The following OS9 variants were observed in gnomAD, a reference collection of about 807,000 sequenced individuals.
OS9 encodes OS9 endoplasmic reticulum lectin.
A neutral mutation model predicts 84.7 loss-of-function variants in OS9; 58 were observed. That is an observed-to-expected ratio of 0.68 (90% CI 0.55 to 0.85). The LOEUF is 0.85. Ranked by LOEUF, OS9 falls within the 40% of genes least tolerant of loss-of-function variation. The probability of loss-of-function intolerance (pLI) is 0.00; values close to 1 mark genes in which losing one functional copy is unlikely to be tolerated. For missense variants in OS9, 760 were observed against 850.9 expected, an observed-to-expected ratio of 0.89 and a Z score of 1.33; for synonymous variants, 278 against 320.8, an observed-to-expected ratio of 0.87 and a Z score of 1.43.
At chr12:57,697,924 T>TACACACACACACACACAC (rs61407014) in intron 5 of OS9, among the ~76,000 whole-genome samples, 3 of 91,548 alleles carry the variant, frequency 3.3e-5, no homozygotes, top group South Asian at 3.0e-4. Context: ...CACACACACA[T>TACACACACACACACACAC]ACACACACAC....
At chr12:57,712,655 C>T (rs1954365244) in intron 5 of OS9, among the ~76,000 whole-genome samples, 1 of 152,046 alleles carries the variant, frequency 6.6e-6, no homozygotes, top group South Asian at 2.1e-4. Context: ...TGTTGAAAAT[C>T]AGACATTTTA....
At chr12:57,696,844 G>A (rs1953863210) in intron 5 of OS9, among the ~76,000 whole-genome samples, 1 of 150,568 alleles carries the variant, frequency 6.6e-6, no homozygotes, top group African/African-American at 2.4e-5. Context: ...GGCCGGGCAC[G>A]GTGGCTCACG....
At chr12:57,710,978 G>A (rs1954308601) in intron 5 of OS9, among the ~76,000 whole-genome samples, 1 of 139,352 alleles carries the variant, frequency 7.2e-6, no homozygotes, top group Non-Finnish European at 1.5e-5. Flanking sequence ...GGCAGAGGTT[G>A]CAGTGAGCCG....
intron 14 of OS9, 132 bp from the exon 15 acceptor site, chr12:57,720,652 G>T: frequency 7.7e-7 from 1 of 1,297,444 alleles, no homozygotes; most frequent in South Asian, 1.3e-5. Context: ...GTGGCTCAGA[G>T]TGCTGCCATG....
intron 12 of OS9, 147 bp from the exon 13 acceptor site, chr12:57,719,952 A>G: frequency 1.4e-6 from 1 of 725,278 alleles, no homozygotes; most frequent in Non-Finnish European, 2.3e-6. Flanking sequence ...GGCGGGGCAC[A>G]CATTTTTTTG....
intron 5 of OS9, among the ~76,000 whole-genome samples, chr12:57,712,854 G>A (rs1954372178): frequency 6.6e-6 from 1 of 151,712 alleles, no homozygotes; most frequent in Non-Finnish European, 1.5e-5. Context: ...GATGACAGTG[G>A]TTTCAGCAGG....
chr12:57,716,701 C>T lies in OS9; in HGVS notation c.1002C>T (p.Asp334=). Residue 334 remains aspartate, a synonymous_variant, in exon 9 of 15, where the codon GAC becomes GAT. Transcript: ENST00000315970. ...GGEEVPAEEQ[D]PSPEAADSAS... is the part of the protein sequence containing the mutation. ...CCTTTTCTCCTCGTCAGGAGCAGGA[C>T]CCAAGCCCTGAGGCAGCAGATTCAG... The T allele has an allele frequency of 6.2e-7, 1 of 1,613,996 alleles. No individual in the cohort carries two copies. The highest frequency in any genetic ancestry group is 1.3e-5 in the African/African-American group (1 of 75,014).
chr12:57,695,126 G>GT (rs1302144091), intron 2 of OS9, 200 bp downstream of exon 2: 1 of 590,774 alleles, frequency 1.7e-6, no homozygotes, highest in East Asian at 2.9e-5. Flanking sequence ...GTAGGAGCAG[G>GT]TTAGGATAGA....
At chr12:57,718,946 T>A (rs1414178079) in intron 11 of OS9, 47 bp from the exon 12 acceptor site, 2 of 1,450,508 alleles carry the variant, frequency 1.4e-6, no homozygotes, top group Non-Finnish European at 1.9e-6. Context: ...GCTGGCTGCC[T>A]CCACACCCCA....
chr12:57,696,838 G>C (rs1026948546), intron 5 of OS9, among the ~76,000 whole-genome samples: 2 of 151,402 alleles, frequency 1.3e-5, no homozygotes, highest in East Asian at 3.9e-4. Context: ...TTTCCAGGCC[G>C]GGCACGGTGG....
intron 5 of OS9, among the ~76,000 whole-genome samples, chr12:57,711,002 A>G (rs1352392607): frequency 3.6e-5 from 5 of 137,710 alleles, no homozygotes; most frequent in Non-Finnish European, 7.6e-5. Context: ...TCACACCACT[A>G]TGCTCCAGCC....
chr12:57,716,759 C>T lies in OS9; in HGVS notation c.1045+15C>T, dbSNP rs774210897. On this transcript the variant is annotated intron_variant, in intron 9 of 14. Transcript: ENST00000315970. ...TGCTCCCAATGGTGAGTGAACCTTC[C>T]ATGTCTCCTTTACTGAATATATTTT... 2 of 1,609,594 alleles carry T rather than the reference C, an allele frequency of 1.2e-6. No individual in the cohort carries two copies. The highest frequency in any genetic ancestry group is 2.7e-5 in the African/African-American group (2 of 74,820).
rs571077577 is a variant in OS9, at chr12:57,711,580, C to T, written c.580-4180C>T. ...CAGGATGGCCTTGATCTCTTGACCTCGTGATCTGCCCTCCTTGGCCTCCCA... is the reference window on the plus strand; with the variant it reads ...CAGGATGGCCTTGATCTCTTGACCTTGTGATCTGCCCTCCTTGGCCTCCCA... On this transcript the variant is annotated intron_variant, in intron 5 of 14. Coordinates refer to ENST00000315970, the MANE Select transcript of OS9 (RefSeq NM_006812.4). Among the ~76,000 whole-genome samples, 55 of 152,156 alleles carry T rather than the reference C, an allele frequency of 3.6e-4. 1 individual carries two copies. The highest frequency in any genetic ancestry group is 1.5e-3 in the Admixed American group (23 of 15,280).
At chr12:57,714,023 C>T (rs1192703926) in intron 5 of OS9, among the ~76,000 whole-genome samples, 2 of 151,594 alleles carry the variant, frequency 1.3e-5, no homozygotes, top group Non-Finnish European at 2.9e-5. Context: ...GGGAAGATTG[C>T]TTGGACCTAG....
Position 57,696,276 on chromosome 12 carries a change from C to A in OS9, c.482C>A (p.Ala161Asp). 6.2e-7 allele frequency: 1 copy of A among 1,609,024 alleles called. No individual in the cohort carries two copies. Among genetic ancestry groups the A allele is most frequent in the East Asian group, 2.2e-5 (1 of 44,820 alleles). The change falls in exon 5 of 15, where the codon GCC becomes GAC. Residue 161 changes from alanine (A) to aspartate (D), a missense_variant and splice_region_variant. Ala to Asp is a moderately radical substitution (Grantham distance 126). Coordinates refer to ENST00000315970, the MANE Select transcript of OS9 (RefSeq NM_006812.4). ...ATTCCTGCCTCATGTCTTCTCCAGGCCTCCAAGCAGCATCGTCTTAAACGC... is the reference window on the plus strand; with the variant it reads ...ATTCCTGCCTCATGTCTTCTCCAGGACTCCAAGCAGCATCGTCTTAAACGC... ...AFDWDDETAK[A>D]SKQHRLKRYH...
chr12:57,694,951 A>G, intron 2 of OS9, 25 bp downstream of exon 2: 2 of 1,609,428 alleles, frequency 1.2e-6, no homozygotes, highest in Non-Finnish European at 1.7e-6. Context: ...GTTAGATAGA[A>G]TGAGGGCTTG....
Position 57,700,285 on chromosome 12 carries a change from G to C in OS9, c.579+3912G>C, listed in dbSNP as rs1470416213. Among the ~76,000 whole-genome samples the C allele has an allele frequency of 3.9e-5, 6 of 152,180 alleles. No homozygotes were observed. In the South Asian group the frequency reaches 6.2e-4, roughly 16 times the overall value. Reference sequence around the variant, plus strand: ...ATGTTGAAGACTTGGGTGAATGTTAGTGGAGAGGAGGAGAGGGAAGTCAAG... The same window carrying C: ...ATGTTGAAGACTTGGGTGAATGTTACTGGAGAGGAGGAGAGGGAAGTCAAG... On this transcript the variant is annotated intron_variant, in intron 5 of 14. Transcript: ENST00000315970.
At chr12:57,703,786 C>A (rs745394581) in intron 5 of OS9, among the ~76,000 whole-genome samples, 1 of 151,814 alleles carries the variant, frequency 6.6e-6, no homozygotes, top group Non-Finnish European at 1.5e-5. Context: ...ATAAAAAACA[C>A]CATTGGATGC....
At chr12:57,697,862 A>ACACACACAC (rs1953892746) in intron 5 of OS9, among the ~76,000 whole-genome samples, 1 of 116,356 alleles carries the variant, frequency 8.6e-6, no homozygotes, top group African/African-American at 3.5e-5. Context: ...AACATAAGCA[A>ACACACACAC]ACACACACAC....
Sources: gnomAD v4.1 joint callset for allele counts (sites outside exome capture counted in the v4.1 genomes callset) on GRCh38, gnomAD v4.1.1 for gene constraint, MANE v1.5 for transcripts, NCBI Gene and HGNC (gene_info 2026-07-23, HGNC 2026-07-21) for gene names.